Variants in PARP4 observed in about 807,000 individuals in gnomAD.
The protein encoded by PARP4 is protein mono-ADP-ribosyltransferase PARP4.
Under a neutral mutation model 187.7 loss-of-function variants are expected in PARP4, and 120 were observed. That is an observed-to-expected ratio of 0.64 (90% CI 0.55 to 0.74). PARP4 has a LOEUF of 0.74. Ranked by LOEUF, PARP4 falls within the 30% of genes least tolerant of loss-of-function variation. PARP4 has a pLI of 0.00. For synonymous variants in PARP4, 654 were observed against 740.9 expected (o/e 0.88, Z 1.90); for missense variants, 1,836 against 2,070.5 (o/e 0.89, Z 2.20).
At chr13:24,503,309 T>G (rs1869412774) in intron 2 of PARP4, among the ~76,000 whole-genome samples, 1 of 152,246 alleles carries the variant, frequency 6.6e-6, no homozygotes, top group Non-Finnish European at 1.5e-5. Context: ...AGTGCGCTTT[T>G]TGCAAATCCT....
At chr13:24,486,497 A>G (rs1873562319) in intron 10 of PARP4, among the ~76,000 whole-genome samples, 192 bp from the exon 11 acceptor site, 2 of 152,264 alleles carry the variant, frequency 1.3e-5, no homozygotes, top group Admixed American at 6.5e-5. Context: ...AAAAATAAGG[A>G]TATGTAGTAA....
At chr13:24,448,478 G>A (rs1209478913) in intron 25 of PARP4, among the ~76,000 whole-genome samples, 1 of 151,942 alleles carries the variant, frequency 6.6e-6, no homozygotes, top group Admixed American at 6.6e-5. Flanking sequence ...AATGATGAGT[G>A]TTGGTGAGGA....
intron 17 of PARP4, among the ~76,000 whole-genome samples, chr13:24,461,959 G>A (rs1206009114): frequency 1.3e-5 from 2 of 152,124 alleles, no homozygotes; most frequent in Non-Finnish European, 2.9e-5. Context: ...GTACAAAGCA[G>A]GGGTTGCTAC....
At chr13:24,456,163 C>T (rs1325101532) in intron 21 of PARP4, among the ~76,000 whole-genome samples, 178 bp downstream of exon 21, 1 of 152,100 alleles carries the variant, frequency 6.6e-6, no homozygotes. Flanking sequence ...TTGGATGAAA[C>T]GTCAGAAGTT....
At chr13:24,428,378 C>A (rs1870168054) in intron 32 of PARP4, among the ~76,000 whole-genome samples, 1 of 152,232 alleles carries the variant, frequency 6.6e-6, no homozygotes, top group Non-Finnish European at 1.5e-5. Flanking sequence ...CACCTTCTTT[C>A]TTTGGGTGAT....
At chr13:24,493,785 T>A in intron 7 of PARP4, 52 bp from the exon 8 acceptor site, 1 of 1,583,632 alleles carries the variant, frequency 6.3e-7, no homozygotes, top group Non-Finnish European at 8.6e-7. Context: ...TGTGAGTTTG[T>A]GTAAAACTTA....
At chr13:24,445,082 A>C in intron 27 of PARP4, among the ~76,000 whole-genome samples, 2 of 151,060 alleles carry the variant, frequency 1.3e-5, no homozygotes, top group African/African-American at 2.4e-5. Context: ...CAGGAGCCCC[A>C]CAATCCTACC....
In PARP4 at chr13:24,498,184, A is replaced by G. The variant is rs1869065284; in HGVS notation, c.523T>C (p.Cys175Arg). 1 of 1,613,672 alleles carries G rather than the reference A, an allele frequency of 6.2e-7. No individual in the cohort carries two copies. The highest frequency in any genetic ancestry group is 1.1e-5 in the South Asian group (1 of 91,058). The change falls in exon 6 of 34, where the codon TGT becomes CGT. Residue 175 changes from cysteine to arginine, a missense_variant. Physicochemically the swap from Cys to Arg is radical, Grantham distance 180. Transcript: ENST00000381989. ...GQEAVVVELQ[C>R]SRDSRDCPFL... ...GGACAGTCCCTGGAGTCCCGCGAAC[A>G]CTGAAGCTCCACCACCACAGCTTCC...
rs1217504207 is a variant in PARP4 at position 24,460,115 on chromosome 13, C to T, written c.2155G>A (p.Gly719Arg). 1 of 1,612,716 alleles carries T rather than the reference C, an allele frequency of 6.2e-7. No individual in the cohort carries two copies. The highest frequency in any genetic ancestry group is 2.2e-5 in the East Asian group (1 of 44,836). Residue 719 changes from glycine (G) to arginine (R), a missense_variant, in exon 18 of 34, where the codon GGA becomes AGA. Gly to Arg is a moderately radical substitution (Grantham distance 125). Transcript: ENST00000381989. The stretch of plus-strand genomic sequence containing the variant: ...ACCTTAGCCTTAGGGGGTAAGTTTC[C>T]AACACTTACAGTAAAAACGTCCTGA... ...DAPDVFTVSVGNLPPKAKVLI... is the reference protein window; with the variant it reads ...DAPDVFTVSVRNLPPKAKVLI...
intron 24 of PARP4, among the ~76,000 whole-genome samples, chr13:24,450,826 G>T (rs900884928): frequency 2.6e-5 from 4 of 152,272 alleles, no homozygotes; most frequent in African/African-American, 9.6e-5. Context: ...CTTGGAGCAG[G>T]CTCCCCCACT....
intron 32 of PARP4, among the ~76,000 whole-genome samples, chr13:24,429,528 G>A (rs766796923): frequency 2.6e-5 from 4 of 152,128 alleles, no homozygotes; most frequent in Non-Finnish European, 4.4e-5. Flanking sequence ...GTCTATTTTG[G>A]CTTATCCCTA....
intron 31 of PARP4, among the ~76,000 whole-genome samples, chr13:24,432,075 A>AT (rs150019204): frequency 0.032 from 4,822 of 152,094 alleles, 278 homozygotes; most frequent in African/African-American, 0.11. Context: ...GCTTTATTTC[A>AT]TTTTTTATTG....
At chr13:24,426,042 C>T (rs4769350) in intron 33 of PARP4, among the ~76,000 whole-genome samples, 141,879 of 152,176 alleles carry the variant, frequency 0.93, 66,307 homozygotes, top group East Asian at 0.99. Context: ...GATTTATAAC[C>T]TTTAAACACT....
chr13:24,510,553 C>CA lies in PARP4; in HGVS notation c.-2+2152dup, dbSNP rs61708412. Among the ~76,000 whole-genome samples, 422 of 89,144 alleles carry CA rather than the reference C, an allele frequency of 4.7e-3. 6 individuals are homozygous for CA. The highest frequency in any genetic ancestry group is 0.012 in the East Asian group (31 of 2,630). 58.5% of individuals were successfully genotyped at this position (89,144 alleles called of 152,430 possible). On this transcript the variant is annotated intron_variant, in intron 1 of 33. Coordinates refer to ENST00000381989, the MANE Select transcript of PARP4 (RefSeq NM_006437.4). ...TGGGCGACAGAGCGAGACTCCGTCT[C>CA]AAAAAAAAAAAAAAAAAAGTGTTCA... is the stretch of plus-strand genomic sequence containing the variant.
At chr13:24,493,540 C>A in intron 8 of PARP4, 56 bp downstream of exon 8, 1 of 1,547,538 alleles carries the variant, frequency 6.5e-7, no homozygotes, top group Non-Finnish European at 8.8e-7. Context: ...ATTGCTGAAG[C>A]CAATCAACCA....
intron 8 of PARP4, among the ~76,000 whole-genome samples, chr13:24,492,996 A>C (rs184345873): frequency 1.6e-4 from 25 of 152,314 alleles, no homozygotes; most frequent in Admixed American, 1.4e-3. Flanking sequence ...CAAGTACTTC[A>C]TGGGCTTTAT....
chr13:24,499,840 A>G (rs1869174051), intron 4 of PARP4, among the ~76,000 whole-genome samples: 1 of 152,170 alleles, frequency 6.6e-6, no homozygotes, highest in Non-Finnish European at 1.5e-5. Context: ...ACTATTATTA[A>G]CAAATACAAC....
chr13:24,469,305 G>T (rs567440116), intron 16 of PARP4, among the ~76,000 whole-genome samples, 195 bp from the exon 17 acceptor site: 4 of 152,252 alleles, frequency 2.6e-5, no homozygotes, highest in Non-Finnish European at 5.9e-5. Flanking sequence ...GCCAACTAAA[G>T]AGAAGTCTCT....
At chr13:24,490,589 T>C in intron 10 of PARP4, 79 bp downstream of exon 10, 1 of 1,053,380 alleles carries the variant, frequency 9.5e-7, no homozygotes, top group South Asian at 1.5e-5. Flanking sequence ...ATCTAGGTAA[T>C]TACTGTAATT....
Sources: gnomAD v4.1 joint callset for allele counts (sites outside exome capture counted in the v4.1 genomes callset) on GRCh38, gnomAD v4.1.1 for gene constraint, MANE v1.5 for transcripts, NCBI Gene and HGNC (gene_info 2026-07-23, HGNC 2026-07-21) for gene names.